PPME1: variants seen among roughly 807,000 people sequenced by gnomAD.
PPME1 encodes protein phosphatase methylesterase 1, also known as testicular secretory protein Li 39.
In PPME1, 17 loss-of-function variants were observed where a neutral mutation model predicts 56.9. The ratio of observed to expected loss-of-function variants is 0.30; its 90% CI spans 0.20 to 0.45. PPME1 has a LOEUF of 0.45. Among genes scored for constraint, PPME1 ranks in the 20% least tolerant of loss-of-function variants. The pLI is 1.00. For synonymous variants in PPME1, 122 were observed against 156.2 expected (o/e 0.78, Z 1.63); for missense variants, 357 against 483.2 (o/e 0.74, Z 2.45).
At chr11:74,236,800 G>A (rs1859200506) in intron 8 of PPME1, among the ~76,000 whole-genome samples, 1 of 152,078 alleles carries the variant, frequency 6.6e-6, no homozygotes, top group Non-Finnish European at 1.5e-5. Flanking sequence ...TCCTCTGCAA[G>A]ATTTTCATAT....
intron 1 of PPME1, among the ~76,000 whole-genome samples, chr11:74,182,412 T>A (rs555576897): frequency 3.9e-5 from 6 of 151,914 alleles, no homozygotes; most frequent in Non-Finnish European, 5.9e-5. Context: ...CAGGCTGGAG[T>A]GCAGTGGCAT....
intron 1 of PPME1, among the ~76,000 whole-genome samples, chr11:74,192,821 G>A (rs1857877926): frequency 6.6e-6 from 1 of 152,154 alleles, no homozygotes; most frequent in Non-Finnish European, 1.5e-5. Flanking sequence ...TAAGCTTCCT[G>A]TGGCCCTTAC....
chr11:74,184,450 A>T (rs777525758), intron 1 of PPME1, among the ~76,000 whole-genome samples: 4 of 152,194 alleles, frequency 2.6e-5, no homozygotes, highest in African/African-American at 2.4e-5. Context: ...CTCATTTTTA[A>T]GTTGGAAAAT....
chr11:74,190,794 G>A (rs1183481635), intron 1 of PPME1, among the ~76,000 whole-genome samples: 1 of 152,202 alleles, frequency 6.6e-6, no homozygotes, highest in Non-Finnish European at 1.5e-5. Context: ...CCAAAATGCT[G>A]ATAGAAATAT....
chr11:74,213,824 AC>A (rs1365766641), intron 3 of PPME1, among the ~76,000 whole-genome samples: 4 of 152,232 alleles, frequency 2.6e-5, no homozygotes, highest in Non-Finnish European at 5.9e-5. Context: ...AGATGACAAT[AC>A]CCAAGTTTCT....
chr11:74,222,502 C>T (rs904159294), intron 4 of PPME1, 133 bp downstream of exon 4: 4 of 798,658 alleles, frequency 5.0e-6, no homozygotes, highest in Non-Finnish European at 6.1e-6. Context: ...TTGTTGTTGT[C>T]GTTGGAGATG....
chr11:74,232,033 T>G (rs1859080144), intron 7 of PPME1, among the ~76,000 whole-genome samples: 1 of 152,238 alleles, frequency 6.6e-6, no homozygotes, highest in Non-Finnish European at 1.5e-5. Flanking sequence ...TTCATCATCC[T>G]ATCTTCCTTC....
chr11:74,245,393 T>C (rs1008146198), intron 9 of PPME1, among the ~76,000 whole-genome samples: 1 of 152,188 alleles, frequency 6.6e-6, no homozygotes, highest in Non-Finnish European at 1.5e-5. Flanking sequence ...ATGTTTCAAA[T>C]ATTTCAATGG....
chr11:74,193,624 T>C (rs1432736584), intron 1 of PPME1, among the ~76,000 whole-genome samples: 1 of 152,194 alleles, frequency 6.6e-6, no homozygotes, highest in Admixed American at 6.5e-5. Flanking sequence ...TATTTAAGAC[T>C]TATTTACTCT....
rs982085530 is a variant in PPME1, at chr11:74,181,085, C to T, written c.101+9563C>T. 8.4e-5 allele frequency among the ~76,000 whole-genome samples: 11 copies of T among 131,356 alleles called. No homozygotes were observed. In the East Asian group the frequency reaches 2.2e-3, roughly 26 times the overall value. 86.2% of individuals were successfully genotyped at this position (131,356 alleles called of 152,430 possible). A position where few individuals can be genotyped will look rare whatever the true frequency, so the allele number is the denominator to read the frequency against. ...CGGAGTCTCGCTTTGTCGCCCAGGT[C>T]GGACTGCGGACTGCAGTGGCGCAAT... On this transcript the variant is annotated intron_variant, in intron 1 of 13. Transcript: ENST00000328257.
intron 3 of PPME1, among the ~76,000 whole-genome samples, chr11:74,209,237 G>T (rs1051030535): frequency 2.0e-5 from 3 of 152,106 alleles, no homozygotes; most frequent in Non-Finnish European, 4.4e-5. Context: ...CTCCTGAGTA[G>T]CTGGGACCAC....
chr11:74,178,595 C>T (rs1382304058), intron 1 of PPME1, among the ~76,000 whole-genome samples: 2 of 152,226 alleles, frequency 1.3e-5, no homozygotes, highest in African/African-American at 4.8e-5. Context: ...GCCTAATCTT[C>T]TGATTTCAAC....
chr11:74,221,969 A>T (rs995341697), intron 3 of PPME1, among the ~76,000 whole-genome samples: 1 of 152,192 alleles, frequency 6.6e-6, no homozygotes, highest in Non-Finnish European at 1.5e-5. Flanking sequence ...CTCTCTCCAG[A>T]GTAAGGAAAA....
At chr11:74,204,146 ATT>A (rs1555076989) in intron 2 of PPME1, among the ~76,000 whole-genome samples, 5 of 143,250 alleles carry the variant, frequency 3.5e-5, no homozygotes, top group African/African-American at 5.0e-5. Flanking sequence ...GGCAAAGGGA[ATT>A]TTTTTTTTTT....
At chr11:74,228,518 T>C (rs1858986942) in intron 5 of PPME1, among the ~76,000 whole-genome samples, 1 of 152,206 alleles carries the variant, frequency 6.6e-6, no homozygotes, top group Non-Finnish European at 1.5e-5. Context: ...CCTTGGGCAG[T>C]AGGATATAAA....
chr11:74,243,148 A>G (rs1270207521), intron 9 of PPME1, among the ~76,000 whole-genome samples: 1 of 152,078 alleles, frequency 6.6e-6, no homozygotes, highest in East Asian at 1.9e-4. Context: ...CCCACCCAAC[A>G]ACAAGTGGAT....
At position 74,239,958 on chromosome 11, in the gene PPME1, A is replaced by ATT. The variant is rs760748505; in HGVS notation, c.834+720_834+721dup. The stretch of plus-strand genomic sequence containing the variant: ...GAGGAAGCTCTTTAATTTTCTTTCC[A>ATT]TTTTTTTTTTTTTTTTTTTCGTTTG... On this transcript the variant is annotated intron_variant, in intron 9 of 13. Transcript: ENST00000328257. Among the ~76,000 whole-genome samples the ATT allele has an allele frequency of 1.5e-3, 136 of 89,922 alleles. 1 individual carries two copies. The highest frequency in any genetic ancestry group is 5.0e-3 in the African/African-American group (118 of 23,684). The allele number at this position is 89,922 out of a possible 152,430, so 59.0% of individuals were successfully genotyped here.
chr11:74,238,376 T>A (rs1859251360), intron 8 of PPME1: 1 of 152,200 alleles, frequency 6.6e-6, no homozygotes, highest in Non-Finnish European at 1.5e-5. Context: ...TCTTGCTTGT[T>A]CTCTCTCCTT....
At chr11:74,233,832 A>G (rs1859127267) in intron 7 of PPME1, among the ~76,000 whole-genome samples, 1 of 152,142 alleles carries the variant, frequency 6.6e-6, no homozygotes, top group Non-Finnish European at 1.5e-5. Flanking sequence ...GAAACAAAAC[A>G]AAAAAGTTAG....
Sources: gnomAD v4.1 joint callset for allele counts (sites outside exome capture counted in the v4.1 genomes callset) on GRCh38, gnomAD v4.1.1 for gene constraint, MANE v1.5 for transcripts, NCBI Gene and HGNC (gene_info 2026-07-23, HGNC 2026-07-21) for gene names.